The following TTC28 variants were observed in gnomAD, a reference collection of about 807,000 sequenced individuals.
TTC28 encodes tetratricopeptide repeat protein 28.
In TTC28, 61 loss-of-function variants were observed where a neutral mutation model predicts 198.0. The ratio of observed to expected loss-of-function variants is 0.31; its 90% CI spans 0.25 to 0.38. TTC28 has a LOEUF of 0.38. Among genes scored for constraint, TTC28 ranks in the 10% least tolerant of loss-of-function variants. The pLI is 1.00. For synonymous variants in TTC28, 1,171 were observed against 1,297.8 expected, an observed-to-expected ratio of 0.90 and a Z score of 2.10; for missense variants, 2,678 against 3,164.0, an observed-to-expected ratio of 0.85 and a Z score of 3.69.
At chr22:28,228,277 T>C (rs1052310304) in intron 5 of TTC28, among the ~76,000 whole-genome samples, 1 of 152,192 alleles carries the variant, frequency 6.6e-6, no homozygotes, top group African/African-American at 2.4e-5. Flanking sequence ...GAAATTGTTC[T>C]GGAGATGGAT....
At chr22:28,487,671 CT>C (rs1268678978) in intron 2 of TTC28, among the ~76,000 whole-genome samples, 1 of 151,914 alleles carries the variant, frequency 6.6e-6, no homozygotes, top group Non-Finnish European at 1.5e-5. Flanking sequence ...ATTTCATATT[CT>C]TTTTTCATCC....
At chr22:28,172,380 G>C (rs1922766219) in intron 5 of TTC28, among the ~76,000 whole-genome samples, 1 of 152,144 alleles carries the variant, frequency 6.6e-6, no homozygotes, top group African/African-American at 2.4e-5. Flanking sequence ...CCAAATAGTA[G>C]ATCTGGTTGG....
intron 2 of TTC28, among the ~76,000 whole-genome samples, chr22:28,402,244 T>C (rs1034300792): frequency 9.9e-5 from 15 of 152,162 alleles, no homozygotes; most frequent in African/African-American, 2.9e-4. Context: ...CAGTGGCAGA[T>C]GGATGACACG....
intron 2 of TTC28, among the ~76,000 whole-genome samples, chr22:28,570,153 T>C (rs2050038597): frequency 6.6e-6 from 1 of 152,160 alleles, no homozygotes; most frequent in Non-Finnish European, 1.5e-5. Context: ...AGTTTGGAGA[T>C]TTCTCAAATA....
chr22:28,352,514 T>A (rs935612932), intron 2 of TTC28, among the ~76,000 whole-genome samples: 1 of 151,856 alleles, frequency 6.6e-6, no homozygotes, highest in African/African-American at 2.4e-5. Flanking sequence ...CCAGAAACAA[T>A]GAGGAAATAA....
chr22:28,128,118 T>G (rs968232880), intron 6 of TTC28, among the ~76,000 whole-genome samples: 2 of 152,148 alleles, frequency 1.3e-5, no homozygotes, highest in African/African-American at 4.8e-5. Flanking sequence ...AACTTAAATT[T>G]CAAGCGTTGG....
intron 5 of TTC28, among the ~76,000 whole-genome samples, chr22:28,212,033 A>G (rs1163783166): frequency 1.3e-5 from 2 of 152,208 alleles, no homozygotes; most frequent in African/African-American, 4.8e-5. Flanking sequence ...ACTACTGGGT[A>G]CATAACGAAA....
chr22:28,083,041 A>C (rs1941423210), intron 12 of TTC28, among the ~76,000 whole-genome samples: 1 of 152,002 alleles, frequency 6.6e-6, no homozygotes, highest in African/African-American at 2.4e-5. Flanking sequence ...GATTAGAATG[A>C]GGGAAAGAAA....
chr22:28,144,240 G>T (rs1943407653), intron 6 of TTC28, among the ~76,000 whole-genome samples: 1 of 152,116 alleles, frequency 6.6e-6, no homozygotes, highest in South Asian at 2.1e-4. Context: ...CTCATAAATG[G>T]CAGAGCTACA....
At chr22:28,342,745 C>T (rs1279833825) in intron 2 of TTC28, among the ~76,000 whole-genome samples, 6 of 151,930 alleles carry the variant, frequency 3.9e-5, no homozygotes, top group Non-Finnish European at 7.4e-5. Context: ...CATAATTCTA[C>T]CAAATAAGCA....
At position 28,337,408 on chromosome 22, in the gene TTC28, T is replaced by A. The variant is rs569413608; in HGVS notation, c.382-30765A>T. On this transcript the variant is annotated intron_variant, in intron 2 of 22. Coordinates refer to ENST00000397906, the MANE Select transcript of TTC28 (RefSeq NM_001145418.2). Reference sequence around the variant, plus strand: ...CCTGGATATCCTTGTTAACTTTCTGTCTCGTTGATCTGTCTAATGTTGACA... The same window carrying A: ...CCTGGATATCCTTGTTAACTTTCTGACTCGTTGATCTGTCTAATGTTGACA... Among the ~76,000 whole-genome samples the A allele has an allele frequency of 2.8e-3, 420 of 152,302 alleles. 2 individuals are homozygous for A. Among genetic ancestry groups the A allele is most frequent in the Non-Finnish European group, 4.5e-3 (306 of 68,016 alleles).
chr22:28,534,190 C>A (rs1370237199), intron 2 of TTC28, among the ~76,000 whole-genome samples: 1 of 152,164 alleles, frequency 6.6e-6, no homozygotes, highest in East Asian at 1.9e-4. Context: ...CCAGAATCTA[C>A]AAAGAACTTA....
At chr22:28,309,439 A>G (rs561718846) in intron 2 of TTC28, among the ~76,000 whole-genome samples, 153 of 152,336 alleles carry the variant, frequency 1.0e-3, no homozygotes, top group African/African-American at 3.4e-3. Flanking sequence ...GAGCGAGATA[A>G]CAGCCACCCA....
chr22:28,149,121 G>T (rs1172197931), intron 6 of TTC28, among the ~76,000 whole-genome samples: 1 of 152,202 alleles, frequency 6.6e-6, no homozygotes, highest in East Asian at 1.9e-4. Context: ...AGGCTATATG[G>T]TGTAGCCTAT....
At chr22:28,401,661 T>G (rs1206806896) in intron 2 of TTC28, among the ~76,000 whole-genome samples, 1 of 152,090 alleles carries the variant, frequency 6.6e-6, no homozygotes, top group East Asian at 1.9e-4. Context: ...CACAGTGGCC[T>G]GCATCTGTAA....
intron 5 of TTC28, among the ~76,000 whole-genome samples, chr22:28,271,571 C>T (rs903373211): frequency 1.3e-5 from 2 of 152,022 alleles, no homozygotes; most frequent in African/African-American, 4.8e-5. Context: ...CGGTTTTCCC[C>T]ACACTGTTCT....
intron 1 of TTC28, among the ~76,000 whole-genome samples, chr22:28,653,741 A>G (rs2051600082): frequency 6.6e-6 from 1 of 152,086 alleles, no homozygotes; most frequent in Non-Finnish European, 1.5e-5. Context: ...CTTTAACTCT[A>G]CCGATCTAAT....
intron 2 of TTC28, among the ~76,000 whole-genome samples, chr22:28,551,208 T>TA (rs2049665228): frequency 6.6e-6 from 1 of 151,794 alleles, no homozygotes; most frequent in East Asian, 1.9e-4. Context: ...GACAGACCAA[T>TA]AACAGCAGCA....
chr22:28,221,456 T>C (rs187043260), intron 5 of TTC28, among the ~76,000 whole-genome samples: 2 of 152,314 alleles, frequency 1.3e-5, no homozygotes, highest in East Asian at 3.9e-4. Flanking sequence ...CTTTAAGGTA[T>C]TGGTGTTGGG....
Sources: gnomAD v4.1 joint callset for allele counts (sites outside exome capture counted in the v4.1 genomes callset) on GRCh38, gnomAD v4.1.1 for gene constraint, MANE v1.5 for transcripts, NCBI Gene and HGNC (gene_info 2026-07-23, HGNC 2026-07-21) for gene names.